FBH1: variants seen among roughly 807,000 people sequenced by gnomAD.
The protein encoded by FBH1 is DNA 3'-5' helicase 1.
A neutral mutation model predicts 115.5 loss-of-function variants in FBH1; 43 were observed. The ratio of observed to expected loss-of-function variants is 0.37; its 90% CI spans 0.29 to 0.48. The LOEUF is 0.48. Ranked by LOEUF, FBH1 falls within the 20% of genes least tolerant of loss-of-function variation. The pLI is 0.99. For missense variants in FBH1, 1,001 were observed against 1,337.3 expected (o/e 0.75, Z 3.92); for synonymous variants, 524 against 507.8 (o/e 1.03, Z -0.43).
chr10:5,930,752 C>T (rs1252745171), intron 19 of FBH1, among the ~76,000 whole-genome samples: 1 of 152,142 alleles, frequency 6.6e-6, no homozygotes, highest in Non-Finnish European at 1.5e-5. Context: ...AGTTTTTAAA[C>T]TTTATTTGTT....
chr10:5,890,791 G>A (rs1842668481), intron 1 of FBH1, among the ~76,000 whole-genome samples: 2 of 152,146 alleles, frequency 1.3e-5, no homozygotes, highest in Admixed American at 6.5e-5. Context: ...CTCTGAGCAT[G>A]GGAAGCCTAA....
intron 1 of FBH1, among the ~76,000 whole-genome samples, chr10:5,898,333 C>T (rs775912717): frequency 3.3e-5 from 5 of 152,210 alleles, no homozygotes; most frequent in African/African-American, 1.2e-4. Flanking sequence ...AGGGAGCTCT[C>T]TGAGACCTCT....
rs548273276 is a variant in FBH1, at chr10:5,913,567, T to C, written c.1212-180T>C. Among the ~76,000 whole-genome samples the C allele has an allele frequency of 6.6e-6, 1 of 152,366 alleles. No homozygotes were observed. Among genetic ancestry groups the C allele is most frequent in the East Asian group, 1.9e-4 (1 of 5,190 alleles). On this transcript the variant is annotated intron_variant, in intron 6 of 20. Coordinates refer to ENST00000362091, the MANE Select transcript of FBH1 (RefSeq NM_178150.3). This position sits in a 1 kb window ranked among gnomAD's most constrained non-coding sequence, Gnocchi z 4.4. Reference sequence around the variant, plus strand: ...CTACACCTTTCCCAGGACTGTGTTATCTGAGAATGCTTTGCCAGCCATAGA... The same window carrying C: ...CTACACCTTTCCCAGGACTGTGTTACCTGAGAATGCTTTGCCAGCCATAGA...
chr10:5,925,242 C>T lies in FBH1; in HGVS notation c.2597-125C>T. 8.6e-7 allele frequency: 1 copy of T among 1,164,942 alleles called. No homozygotes were observed. Among genetic ancestry groups the T allele is most frequent in the Non-Finnish European group, 1.2e-6 (1 of 827,406 alleles). 72.2% of individuals were successfully genotyped at this position (1,164,942 alleles called of 1,614,324 possible). On this transcript the variant is annotated intron_variant, in intron 17 of 20. Transcript: ENST00000362091. This position sits in a 1 kb window ranked among gnomAD's most constrained non-coding sequence, Gnocchi z 4.6. ...AGTTGTTTCCTCTTTCCCCCTTTTC[C>T]TACAAAACTGCACTGAGGCAAGAAA...
At chr10:5,930,355 C>G (rs1832897743) in intron 19 of FBH1, among the ~76,000 whole-genome samples, 1 of 152,182 alleles carries the variant, frequency 6.6e-6, no homozygotes, top group Admixed American at 6.5e-5. Context: ...GGGACTCCCT[C>G]CCTGCTTTTC....
intron 1 of FBH1, among the ~76,000 whole-genome samples, chr10:5,901,621 A>G (rs909124191): frequency 2.0e-5 from 3 of 148,746 alleles, no homozygotes; most frequent in Admixed American, 6.7e-5. Context: ...CTGGAGTGCA[A>G]TGGCACAATC....
rs373956188 is a variant in FBH1 at position 5,906,136 on chromosome 10, G to A, written c.257G>A (p.Cys86Tyr). ...AKSNSVGQDSCQDSEGDMIFP... is the reference protein window; with the variant it reads ...AKSNSVGQDSYQDSEGDMIFP... ...AGCAATTCTGTTGGCCAGGACAGCT[G>A]TCAGGACTCTGAGGGTGACATGATC... is the stretch of plus-strand genomic sequence containing the variant. Residue 86 changes from cysteine (C) to tyrosine (Y), a missense_variant, in exon 3 of 21, where the codon TGT becomes TAT. Around this residue, in one of 4 missense-constraint regions of FBH1, gnomAD observed 420 missense variants for 430.4 expected, o/e 0.98. Transcript: ENST00000362091. The surrounding 1 kb of genome is among the most constrained non-coding windows in gnomAD (Gnocchi z 7.3). The A allele has an allele frequency of 2.5e-6, 4 of 1,614,084 alleles. No homozygotes were observed. The African/African-American group carries it at 5.3e-5, about 22-fold the overall frequency.
Position 5,921,300 on chromosome 10 carries a change from A to G in FBH1, c.2143A>G (p.Ile715Val), listed in dbSNP as rs755158548. Residue 715 changes from isoleucine to valine, a missense_variant, in exon 14 of 21, where the codon ATC (isoleucine) becomes GTC (valine). By Grantham distance (29) the Ile-to-Val change is conservative. Coordinates refer to ENST00000362091, the MANE Select transcript of FBH1 (RefSeq NM_178150.3). The surrounding 1 kb of genome is among the most constrained non-coding windows in gnomAD (Gnocchi z 6.4). Reference sequence around the variant, plus strand: ...GGAAATAGCTTATGTGGGAGCTACTATCTTGGATGTTTGCAAGAGAGTCAG... The same window carrying G: ...GGAAATAGCTTATGTGGGAGCTACTGTCTTGGATGTTTGCAAGAGAGTCAG... ...GVEIAYVGAT[I>V]LDVCKRVRKK... 1.2e-6 allele frequency: 2 copies of G among 1,614,100 alleles called. No individual in the cohort carries two copies. Among genetic ancestry groups the G allele is most frequent in the Non-Finnish European group, 1.7e-6 (2 of 1,179,950 alleles).
intron 9 of FBH1, 164 bp from the exon 10 acceptor site, chr10:5,916,070 G>T (rs1831916540): frequency 1.6e-6 from 1 of 640,932 alleles, no homozygotes; most frequent in Non-Finnish European, 2.7e-6. Context: ...GCCATTTCCA[G>T]TCAGACATGG....
Position 5,897,396 on chromosome 10 carries a change from G to A in FBH1, c.2-5624G>A, listed in dbSNP as rs190539177. ...GAGGAGGTGGACACAGGGCTCCTGC[G>A]GAGGAGGTGGACACAGGGCTCCTGG... On this transcript the variant is annotated intron_variant, in intron 1 of 20. Coordinates refer to ENST00000362091, the MANE Select transcript of FBH1 (RefSeq NM_178150.3). The surrounding 1 kb of genome is among the most constrained non-coding windows in gnomAD (Gnocchi z 4.7). Among the ~76,000 whole-genome samples the A allele has an allele frequency of 3.8e-4, 58 of 150,654 alleles. No homozygotes were observed. The South Asian group carries it at 0.011, about 29-fold the overall frequency.
rs1167271853 is a variant in FBH1, at chr10:5,925,358, T to A, written c.2597-9T>A. The A allele has an allele frequency of 2.5e-6, 4 of 1,613,804 alleles. No individual in the cohort carries two copies. Among genetic ancestry groups the A allele is most frequent in the Middle Eastern group, 3.3e-4 (2 of 6,062 alleles). On this transcript the variant is annotated splice_polypyrimidine_tract_variant and intron_variant, in intron 17 of 20. Transcript: ENST00000362091. The surrounding 1 kb of genome is among the most constrained non-coding windows in gnomAD (Gnocchi z 4.6). ...GCACCATCTAACGTGTGCTGTGTTT[T>A]TATCCTAGAGTACATTCTGGGCACT...
rs115756309 is a variant in FBH1, at chr10:5,913,485, T to C, written c.1212-262T>C. Among the ~76,000 whole-genome samples, 1,110 of 152,250 alleles carry C rather than the reference T, an allele frequency of 7.3e-3. 13 individuals are homozygous for C. Among genetic ancestry groups the C allele is most frequent in the African/African-American group, 0.026 (1,062 of 41,538 alleles). On this transcript the variant is annotated intron_variant, in intron 6 of 20. Transcript: ENST00000362091. This position sits in a 1 kb window ranked among gnomAD's most constrained non-coding sequence, Gnocchi z 4.4. The stretch of plus-strand genomic sequence containing the variant: ...CTCTTCAAGTCACAGCTGGCGCCCC[T>C]CATTCCCTGAAGAGCCCGTCCTGGT...
intron 2 of FBH1, among the ~76,000 whole-genome samples, chr10:5,903,680 AC>A (rs1407431933): frequency 6.6e-6 from 1 of 151,718 alleles, no homozygotes. Context: ...AAAGCTGTGG[AC>A]AAGTGTGATG....
Position 5,903,114 on chromosome 10 carries a change from G to T in FBH1, c.96G>T (p.Trp32Cys), listed in dbSNP as rs781049745. The T allele has an allele frequency of 6.2e-7, 1 of 1,613,748 alleles. No homozygotes were observed. Among genetic ancestry groups the T allele is most frequent in the Admixed American group, 1.7e-5 (1 of 59,962 alleles). ...TGACCCAGCCCTTCGGTCAAAGATGGACAAACAGAGATCCGAACCATGGTC... is the reference window on the plus strand; with the variant it reads ...TGACCCAGCCCTTCGGTCAAAGATGTACAAACAGAGATCCGAACCATGGTC... ...LAVTQPFGQR[W>C]TNRDPNHGLY... The change falls in exon 2 of 21, where the codon TGG becomes TGT. Residue 32 changes from tryptophan (W) to cysteine (C), a missense_variant. By Grantham distance (215) the Trp-to-Cys change is radical (BLOSUM62 -2). Transcript: ENST00000362091.
In FBH1 at chr10:5,921,644, C is replaced by A; in HGVS notation, c.2322+75C>A. The A allele has an allele frequency of 6.4e-7, 1 of 1,554,478 alleles. No individual in the cohort carries two copies. The highest frequency in any genetic ancestry group is 8.6e-7 in the Non-Finnish European group (1 of 1,157,972). ...GAACATACCCAATGGAAATGTTCACCTTCCTTGGGATTATCATGCAAGAAA... is the reference window on the plus strand; with the variant it reads ...GAACATACCCAATGGAAATGTTCACATTCCTTGGGATTATCATGCAAGAAA... On this transcript the variant is annotated intron_variant, in intron 15 of 20. Coordinates refer to ENST00000362091, the MANE Select transcript of FBH1 (RefSeq NM_178150.3). This position sits in a 1 kb window ranked among gnomAD's most constrained non-coding sequence, Gnocchi z 6.4.
At chr10:5,903,217 GT>G in intron 2 of FBH1, 42 bp downstream of exon 2, 1 of 1,494,202 alleles carries the variant, frequency 6.7e-7, no homozygotes, top group South Asian at 1.3e-5. Flanking sequence ...AACCTGTAGT[GT>G]GTGGGTCCTT....
In FBH1 at chr10:5,906,735, G is replaced by A; in HGVS notation, c.753+103G>A. The A allele has an allele frequency of 1.0e-6, 1 of 991,880 alleles. No homozygotes were observed. The highest frequency in any genetic ancestry group is 1.5e-6 in the Non-Finnish European group (1 of 678,302). The allele number at this position is 991,880 out of a possible 1,614,324, so 61.4% of individuals were successfully genotyped here. On this transcript the variant is annotated intron_variant, in intron 3 of 20. Transcript: ENST00000362091. This position sits in a 1 kb window ranked among gnomAD's most constrained non-coding sequence, Gnocchi z 7.3. ...ATCTTTTCAGAAATGGTTTCCATTTGCCTTCAGAAGACATTCAGACTCCTT... is the reference window on the plus strand; with the variant it reads ...ATCTTTTCAGAAATGGTTTCCATTTACCTTCAGAAGACATTCAGACTCCTT...
chr10:5,935,735 C>G lies in FBH1; in HGVS notation c.2830-721C>G, dbSNP rs1197021278. 6.6e-6 allele frequency: 1 copy of G among 152,240 alleles called. No homozygotes were observed. The highest frequency in any genetic ancestry group is 2.4e-5 in the African/African-American group (1 of 41,464). The allele number at this position is 152,240 out of a possible 1,614,324, so 9.4% of individuals were successfully genotyped here. A position where few individuals can be genotyped will look rare whatever the true frequency, so the allele number is the denominator to read the frequency against. Reference sequence around the variant, plus strand: ...ATAGCTGGTCATAATCCAGAAAATACGAAACCGTCCTTTCCTGGGCAGCAG... The same window carrying G: ...ATAGCTGGTCATAATCCAGAAAATAGGAAACCGTCCTTTCCTGGGCAGCAG... On this transcript the variant is annotated intron_variant, in intron 19 of 20. Transcript: ENST00000362091. The surrounding 1 kb of genome is among the most constrained non-coding windows in gnomAD (Gnocchi z 5.2).
intron 6 of FBH1, among the ~76,000 whole-genome samples, chr10:5,912,113 C>T (rs1469445763): frequency 1.3e-5 from 2 of 152,062 alleles, no homozygotes; most frequent in Admixed American, 6.6e-5. Flanking sequence ...TGTAATCCAG[C>T]ACTTTGGGAG....
Sources: allele counts gnomAD v4.1 joint callset (sites outside exome capture counted in the v4.1 genomes callset), GRCh38; gene constraint gnomAD v4.1.1; regional missense constraint gnomAD v4.1.1; non-coding constraint Gnocchi (gnomAD v3.1); transcripts MANE v1.5; gene names NCBI Gene and HGNC (gene_info 2026-07-23, HGNC 2026-07-21).